KLHL3: variants seen among roughly 807,000 people sequenced by gnomAD.
KLHL3 encodes kelch like family member 3.
In KLHL3, 19 loss-of-function variants were observed where a neutral mutation model predicts 70.5. The observed-to-expected ratio is 0.27, with a 90% CI of 0.19 to 0.40. The LOEUF (loss-of-function observed/expected upper bound fraction) is 0.40, where lower values mean the gene tolerates loss of function less well. KLHL3 is among the 10% of genes least tolerant of loss of function. The probability of loss-of-function intolerance (pLI) is 1.00; values close to 1 mark genes in which losing one functional copy is unlikely to be tolerated. For synonymous variants in KLHL3, 258 were observed against 290.3 expected (o/e 0.89, Z 1.13); for missense variants, 512 against 771.1 (o/e 0.66, Z 3.98).
intron 1 of KLHL3, among the ~76,000 whole-genome samples, chr5:137,730,352 G>C (rs1446891946): frequency 6.6e-6 from 1 of 152,130 alleles, no homozygotes; most frequent in Non-Finnish European, 1.5e-5. Context: ...AATGAAAAAA[G>C]ACCAAATCTC....
In KLHL3 at chr5:137,735,766, A is replaced by G; in HGVS notation, c.-120T>C. 2 of 1,397,914 alleles carry G rather than the reference A, an allele frequency of 1.4e-6. No individual in the cohort carries two copies. The highest frequency in any genetic ancestry group is 2.3e-5 in the East Asian group (1 of 43,810). 86.6% of individuals were successfully genotyped at this position (1,397,914 alleles called of 1,614,324 possible). A position where few individuals can be genotyped will look rare whatever the true frequency, so the allele number is the denominator to read the frequency against. On this transcript the variant is annotated 5_prime_UTR_variant, in exon 1 of 15. It removes an upstream start codon present in the reference 5' UTR. Coordinates refer to ENST00000309755, the MANE Select transcript of KLHL3 (RefSeq NM_017415.3). Reference sequence around the variant, plus strand: ...ATCTGATCAGCAACAGTGATTCAGCATGGCTGCAAGTGAAGCCTCCTCCCT... The same window carrying G: ...ATCTGATCAGCAACAGTGATTCAGCGTGGCTGCAAGTGAAGCCTCCTCCCT...
intron 7 of KLHL3, 87 bp from the exon 8 acceptor site, chr5:137,658,367 T>C: frequency 8.2e-7 from 1 of 1,220,448 alleles, no homozygotes; most frequent in Non-Finnish European, 1.2e-6. Context: ...ATTCCTGCAC[T>C]CCCACACTCA....
chr5:137,632,815 A>C (rs974179222), intron 12 of KLHL3, among the ~76,000 whole-genome samples: 1 of 152,220 alleles, frequency 6.6e-6, no homozygotes, highest in South Asian at 2.1e-4. Context: ...CTCAACAAGG[A>C]AAAAACAACC....
At chr5:137,653,236 T>A (rs1484073266) in intron 8 of KLHL3, among the ~76,000 whole-genome samples, 1 of 151,510 alleles carries the variant, frequency 6.6e-6, no homozygotes, top group Non-Finnish European at 1.5e-5. Flanking sequence ...GGCAACAGAG[T>A]AAGACTCCGT....
At chr5:137,709,967 C>A in intron 2 of KLHL3, 111 bp from the exon 3 acceptor site, 1 of 812,322 alleles carries the variant, frequency 1.2e-6, no homozygotes. Context: ...CTATACAAAG[C>A]TGTCACAGGG....
chr5:137,695,330 T>C (rs1752421299), intron 4 of KLHL3, among the ~76,000 whole-genome samples: 1 of 152,182 alleles, frequency 6.6e-6, no homozygotes, highest in South Asian at 2.1e-4. Context: ...AGTCCACTCC[T>C]ACCCAAAAGC....
chr5:137,690,394 C>T lies in KLHL3; in HGVS notation c.526+1891G>A, dbSNP rs150519486. ...CACACCCATCCATCTAGAAAGTGACCTCTTCAAAGGCTTCACTGGGAGCCC... is the reference window on the plus strand; with the variant it reads ...CACACCCATCCATCTAGAAAGTGACTTCTTCAAAGGCTTCACTGGGAGCCC... On this transcript the variant is annotated intron_variant, in intron 5 of 14. Coordinates refer to ENST00000309755, the MANE Select transcript of KLHL3 (RefSeq NM_017415.3). 4.7e-3 allele frequency among the ~76,000 whole-genome samples: 715 copies of T among 152,028 alleles called. 6 individuals carry two copies. Among genetic ancestry groups the T allele is most frequent in the Non-Finnish European group, 5.7e-3 (387 of 67,984 alleles).
chr5:137,677,951 C>T (rs79491522), intron 5 of KLHL3, among the ~76,000 whole-genome samples: 2,021 of 152,276 alleles, frequency 0.013, 43 homozygotes, highest in African/African-American at 0.042. Flanking sequence ...AATAATAGCA[C>T]TGCAGAAAAG....
chr5:137,726,038 C>T (rs1753080118), intron 1 of KLHL3, among the ~76,000 whole-genome samples: 2 of 152,162 alleles, frequency 1.3e-5, no homozygotes, highest in African/African-American at 2.4e-5. Context: ...CCTGCTGTTC[C>T]CCACTCTAGA....
At chr5:137,632,857 A>G (rs1421255586) in intron 12 of KLHL3, among the ~76,000 whole-genome samples, 1 of 152,248 alleles carries the variant, frequency 6.6e-6, no homozygotes, top group Non-Finnish European at 1.5e-5. Context: ...ATATACATAC[A>G]GACATTTCTC....
intron 1 of KLHL3, among the ~76,000 whole-genome samples, chr5:137,735,431 A>G (rs566167992): frequency 1.3e-5 from 2 of 152,312 alleles, no homozygotes; most frequent in South Asian, 4.1e-4. Flanking sequence ...TGCGGAAGCC[A>G]GATCTCTGGA....
chr5:137,626,251 C>T (rs1394959656), intron 13 of KLHL3, among the ~76,000 whole-genome samples: 1 of 152,208 alleles, frequency 6.6e-6, no homozygotes, highest in East Asian at 1.9e-4. Context: ...TGTGCCAGGC[C>T]TGAGCTAGGG....
chr5:137,630,639 C>T (rs139606176), intron 12 of KLHL3, among the ~76,000 whole-genome samples: 39 of 152,298 alleles, frequency 2.6e-4, no homozygotes, highest in African/African-American at 5.5e-4. Flanking sequence ...AGGTTTATGA[C>T]GGGAAAAGAA....
chr5:137,663,428 G>GC (rs1242944688), intron 6 of KLHL3, among the ~76,000 whole-genome samples: 1 of 151,672 alleles, frequency 6.6e-6, no homozygotes, highest in East Asian at 1.9e-4. Flanking sequence ...ATATAAAATG[G>GC]CATAGTATTT....
At chr5:137,676,954 C>A (rs1295467291) in intron 6 of KLHL3, among the ~76,000 whole-genome samples, 2 of 152,006 alleles carry the variant, frequency 1.3e-5, no homozygotes, top group Non-Finnish European at 2.9e-5. Flanking sequence ...TGGAATGAGC[C>A]CAAGAACATA....
At chr5:137,701,691 T>C (rs2149924127) in intron 3 of KLHL3, among the ~76,000 whole-genome samples, 1 of 152,300 alleles carries the variant, frequency 6.6e-6, no homozygotes, top group African/African-American at 2.4e-5. Context: ...TGGGCTTCAG[T>C]AATTCTGGAG....
chr5:137,730,169 T>C (rs1242050164), intron 1 of KLHL3, among the ~76,000 whole-genome samples: 1 of 152,136 alleles, frequency 6.6e-6, no homozygotes, highest in African/African-American at 2.4e-5. Flanking sequence ...CCCACATAAC[T>C]AGTAAGTGCA....
intron 2 of KLHL3, among the ~76,000 whole-genome samples, chr5:137,713,859 T>C (rs1005618959): frequency 2.0e-5 from 3 of 152,190 alleles, no homozygotes; most frequent in Admixed American, 2.0e-4. Flanking sequence ...AATAACCTAA[T>C]TAAAAATGAA....
At position 137,621,843 on chromosome 5, in the gene KLHL3, A is replaced by G; in HGVS notation, c.*255T>C. ...TGTCCCTGTAGAAACACCAAAACAAAGCCCAAAGGTGCTGCCTGGGGATGT... is the reference window on the plus strand; with the variant it reads ...TGTCCCTGTAGAAACACCAAAACAAGGCCCAAAGGTGCTGCCTGGGGATGT... On this transcript the variant is annotated 3_prime_UTR_variant, in exon 15 of 15. Coordinates refer to ENST00000309755, the MANE Select transcript of KLHL3 (RefSeq NM_017415.3). The G allele has an allele frequency of 1.8e-6, 1 of 559,702 alleles. No homozygotes were observed. Among genetic ancestry groups the G allele is most frequent in the Non-Finnish European group, 3.2e-6 (1 of 312,028 alleles). The allele number at this position is 559,702 out of a possible 1,614,324, so 34.7% of individuals were successfully genotyped here.
Sources: gnomAD v4.1 joint callset for allele counts (sites outside exome capture counted in the v4.1 genomes callset) on GRCh38, gnomAD v4.1.1 for gene constraint, MANE v1.5 for transcripts, NCBI Gene and HGNC (gene_info 2026-07-23, HGNC 2026-07-21) for gene names.